Variants in TMEM44 observed in about 807,000 individuals in gnomAD.
The protein encoded by TMEM44 is transmembrane protein 44.
A neutral mutation model predicts 47.8 loss-of-function variants in TMEM44; 43 were observed. The ratio of observed to expected loss-of-function variants is 0.90; its 90% confidence interval spans 0.70 to 1.16. TMEM44 has a LOEUF of 1.16. Ranked by LOEUF, TMEM44 falls within the 50% of genes most tolerant of loss-of-function variation. The pLI is 0.00. For synonymous variants in TMEM44, 277 were observed against 238.8 expected (o/e 1.16, Z -1.48); for missense variants, 568 against 555.2 (o/e 1.02, Z -0.23).
intron 7 of TMEM44, among the ~76,000 whole-genome samples, chr3:194,615,099 G>A (rs527815778): frequency 6.6e-5 from 10 of 152,154 alleles, no homozygotes; most frequent in Non-Finnish European, 8.8e-5. Context: ...AATATTAGCC[G>A]GGCGTGGTGA....
intron 9 of TMEM44, chr3:194,593,152 AGCTCCTGTCT>A: frequency 6.8e-7 from 1 of 1,467,234 alleles, no homozygotes; most frequent in Non-Finnish European, 9.5e-7. Flanking sequence ...GCTCAGGACC[AGCTCCTGTCT>A]GCTCAGTGAG....
chr3:194,603,552 C>T (rs571459947), intron 9 of TMEM44, among the ~76,000 whole-genome samples: 1 of 152,124 alleles, frequency 6.6e-6, no homozygotes, highest in African/African-American at 2.4e-5. Context: ...TGCGAACCAC[C>T]ACGCCTGGCT....
intron 9 of TMEM44, among the ~76,000 whole-genome samples, chr3:194,594,163 CTATA>C (rs1553824442): frequency 2.1e-5 from 3 of 139,638 alleles, no homozygotes; most frequent in African/African-American, 8.0e-5. Context: ...ATCTATCTAT[CTATA>C]TCTATCTATC....
In TMEM44 at chr3:194,610,932, A is replaced by T. The variant is rs1715256590; in HGVS notation, c.1001T>A (p.Ile334Asn). The T allele has an allele frequency of 2.5e-6, 4 of 1,613,678 alleles. No individual in the cohort carries two copies. In the East Asian group the frequency reaches 8.9e-5, roughly 36 times the overall value. ...TAISRYMELT[I>N]EPVQQAGCSA... ...GCCACTCACCTGCTGCACAGGCTCG[A>T]TGGTCAGCTCCATGTAGCGACTGAT... Residue 334 changes from isoleucine (I) to asparagine (N), a missense_variant, in exon 8 of 10, where the codon ATC becomes AAC. Ile to Asn is a moderately radical substitution (Grantham distance 149). Coordinates refer to ENST00000347147, the MANE Select transcript of TMEM44 (RefSeq NM_001011655.3).
Position 194,588,072 on chromosome 3 carries a change from GC to G in TMEM44, c.*456del, listed in dbSNP as rs1712077851. ...TCTCGGTTCCTGTGTGTGACCCAAGGCCCCCCAGCACAGGGCCCACCCTCTC... is the reference window on the plus strand; with the variant it reads ...TCTCGGTTCCTGTGTGTGACCCAAGGCCCCCAGCACAGGGCCCACCCTCTC... On this transcript the variant is annotated 3_prime_UTR_variant, in exon 10 of 10. Transcript: ENST00000347147. The G allele has an allele frequency of 6.4e-6, 1 of 155,482 alleles. No individual in the cohort carries two copies. Among genetic ancestry groups the G allele is most frequent in the Admixed American group, 6.4e-5 (1 of 15,620 alleles). 9.6% of individuals were successfully genotyped at this position (155,482 alleles called of 1,614,324 possible). A position where few individuals can be genotyped will look rare whatever the true frequency, so the allele number is the denominator to read the frequency against.
chr3:194,631,156 G>A (rs1030267964), intron 1 of TMEM44, among the ~76,000 whole-genome samples: 3 of 150,838 alleles, frequency 2.0e-5, no homozygotes, highest in South Asian at 4.2e-4. Context: ...CCTGCCTCCC[G>A]AAGGGGCTGG....
At chr3:194,627,704 G>A (rs139295200) in intron 2 of TMEM44, among the ~76,000 whole-genome samples, 64 of 152,300 alleles carry the variant, frequency 4.2e-4, no homozygotes, top group Admixed American at 7.2e-4. Flanking sequence ...CAGGTCAGGC[G>A]TGGTGGCTCA....
chr3:194,627,821 A>G (rs1435408918), intron 2 of TMEM44, among the ~76,000 whole-genome samples: 1 of 152,204 alleles, frequency 6.6e-6, no homozygotes, highest in Admixed American at 6.5e-5. Context: ...TCTATTAAAA[A>G]TACAAAAAAT....
chr3:194,603,786 G>A (rs562852317), intron 9 of TMEM44, among the ~76,000 whole-genome samples: 12 of 152,280 alleles, frequency 7.9e-5, no homozygotes, highest in South Asian at 4.1e-4. Flanking sequence ...GTGTCCCTGC[G>A]ACTAATGTGA....
At chr3:194,600,088 T>C (rs1014991085) in intron 9 of TMEM44, among the ~76,000 whole-genome samples, 1 of 150,478 alleles carries the variant, frequency 6.6e-6, no homozygotes, top group Non-Finnish European at 1.5e-5. Context: ...CCAAAACATT[T>C]ATTTTTGTTT....
chr3:194,601,524 G>A lies in TMEM44; in HGVS notation c.1176+2763C>T, dbSNP rs2410964. Among the ~76,000 whole-genome samples the A allele has an allele frequency of 4.6e-5, 7 of 151,918 alleles. No homozygotes were observed. In the South Asian group the frequency reaches 1.2e-3, roughly 27 times the overall value. ...TCTCCATGTTGGTCAGGCTGGTCTCGAACTCCGATCTCAGATGATCCGCCC... is the reference window on the plus strand; with the variant it reads ...TCTCCATGTTGGTCAGGCTGGTCTCAAACTCCGATCTCAGATGATCCGCCC... On this transcript the variant is annotated intron_variant, in intron 9 of 9. Transcript: ENST00000347147.
intron 9 of TMEM44, among the ~76,000 whole-genome samples, chr3:194,591,940 C>T (rs1712783021): frequency 6.6e-6 from 1 of 152,042 alleles, no homozygotes; most frequent in Admixed American, 6.5e-5. Context: ...ATCATTGGGC[C>T]AGGCGTGGTG....
intron 1 of TMEM44, among the ~76,000 whole-genome samples, chr3:194,631,377 T>C (rs1311985992): frequency 6.6e-6 from 1 of 151,846 alleles, no homozygotes. Context: ...TCATTCCACA[T>C]CCTTAGGACG....
At position 194,615,566 on chromosome 3, in the gene TMEM44, C is replaced by T. The variant is rs114762925; in HGVS notation, c.912+3G>A. The T allele has an allele frequency of 6.8e-4, 1,097 of 1,613,872 alleles. 10 individuals are homozygous for T. The African/African-American group carries it at 0.013, about 19-fold the overall frequency. On this transcript the variant is annotated splice_donor_region_variant and intron_variant, in intron 7 of 9. Coordinates refer to ENST00000347147, the MANE Select transcript of TMEM44 (RefSeq NM_001011655.3). ...CCAGAGAGACCTTGTCCTCGTTCCTCACCTCCTGGTTTTCTTCCTCTTTCT... is the reference window on the plus strand; with the variant it reads ...CCAGAGAGACCTTGTCCTCGTTCCTTACCTCCTGGTTTTCTTCCTCTTTCT...
intron 3 of TMEM44, among the ~76,000 whole-genome samples, chr3:194,624,791 G>A (rs779555290): frequency 2.0e-5 from 3 of 151,044 alleles, no homozygotes; most frequent in African/African-American, 4.9e-5. Context: ...TGTGCGATCT[G>A]CAACCTCCAG....
At chr3:194,629,573 C>G (rs900864837) in intron 1 of TMEM44, among the ~76,000 whole-genome samples, 1 of 141,480 alleles carries the variant, frequency 7.1e-6, no homozygotes, top group Non-Finnish European at 1.5e-5. Flanking sequence ...AATACATTGT[C>G]GTACATGCCT....
intron 9 of TMEM44, among the ~76,000 whole-genome samples, chr3:194,594,165 A>ATC (rs766929721): frequency 2.2e-4 from 17 of 76,436 alleles, no homozygotes; most frequent in African/African-American, 3.1e-4. Context: ...CTATCTATCT[A>ATC]TATCTATCTA....
intron 2 of TMEM44, 88 bp from the exon 3 acceptor site, chr3:194,626,078 G>A: frequency 1.1e-6 from 1 of 952,152 alleles, no homozygotes; most frequent in Non-Finnish European, 1.7e-6. Flanking sequence ...TGTATCACAT[G>A]GGTTACACTG....
chr3:194,611,598 C>T lies in TMEM44; in HGVS notation c.913-578G>A, dbSNP rs942091622. On this transcript the variant is annotated intron_variant, in intron 7 of 9. Coordinates refer to ENST00000347147, the MANE Select transcript of TMEM44 (RefSeq NM_001011655.3). This position sits in a 1 kb window ranked among gnomAD's most constrained non-coding sequence, Gnocchi z 4.2. ...GTAACCGGGAAGTGGATCGTTTAAACGCGCCCCAGATGATTCTAACGTGCG... is the reference window on the plus strand; with the variant it reads ...GTAACCGGGAAGTGGATCGTTTAAATGCGCCCCAGATGATTCTAACGTGCG... 1.3e-5 allele frequency among the ~76,000 whole-genome samples: 2 copies of T among 152,206 alleles called. No individual in the cohort carries two copies. The highest frequency in any genetic ancestry group is 4.8e-5 in the African/African-American group (2 of 41,440).
Sources: gnomAD v4.1 joint callset for allele counts (sites outside exome capture counted in the v4.1 genomes callset) on GRCh38, gnomAD v4.1.1 for gene constraint, Gnocchi (gnomAD v3.1) non-coding constraint, MANE v1.5 for transcripts, NCBI Gene and HGNC (gene_info 2026-07-23, HGNC 2026-07-21) for gene names.